STK3: variants seen among roughly 807,000 people sequenced by gnomAD.
STK3 encodes serine/threonine-protein kinase 3.
Under a neutral mutation model 58.0 loss-of-function variants are expected in STK3, and 41 were observed. The ratio of observed to expected loss-of-function variants is 0.71; its 90% CI spans 0.55 to 0.92. The LOEUF (loss-of-function observed/expected upper bound fraction) is 0.92. Ranked by LOEUF, STK3 falls within the 40% of genes least tolerant of loss-of-function variation. STK3 has a pLI of 0.00. For missense variants in STK3, 479 were observed against 602.7 expected (o/e 0.79, Z 2.15); for synonymous variants, 170 against 191.0 (o/e 0.89, Z 0.91).
chr8:98,599,407 C>A (rs890973742), intron 6 of STK3, among the ~76,000 whole-genome samples: 1 of 151,930 alleles, frequency 6.6e-6, no homozygotes, highest in Non-Finnish European at 1.5e-5. Flanking sequence ...GGCTTGAGTT[C>A]TAAATCACTA....
downstream of STK3, among the ~76,000 whole-genome samples, chr8:98,366,500 A>C (rs2130984068): frequency 6.6e-6 from 1 of 152,288 alleles, no homozygotes; most frequent in African/African-American, 2.4e-5. Context: ...TAGGTCCTTA[A>C]GCCATCTGAA....
At chr8:98,693,445 T>C (rs993744487) in intron 6 of STK3, among the ~76,000 whole-genome samples, 2 of 151,940 alleles carry the variant, frequency 1.3e-5, no homozygotes, top group African/African-American at 4.8e-5. Context: ...AAATGCAATA[T>C]GGAGATGTAG....
chr8:98,740,870 C>T (rs1350321695), intron 4 of STK3, among the ~76,000 whole-genome samples: 1 of 152,032 alleles, frequency 6.6e-6, no homozygotes. Context: ...CAGAGACACA[C>T]AAAGGCTCAA....
At chr8:98,745,674 C>T (rs549495179) in intron 4 of STK3, among the ~76,000 whole-genome samples, 1 of 152,104 alleles carries the variant, frequency 6.6e-6, no homozygotes, top group South Asian at 2.1e-4. Context: ...GCAGAGCAGA[C>T]CTTTTGACTG....
chr8:98,736,098 G>A (rs1828567628), intron 4 of STK3, among the ~76,000 whole-genome samples: 1 of 152,084 alleles, frequency 6.6e-6, no homozygotes, highest in Non-Finnish European at 1.5e-5. Context: ...CTACCTAATA[G>A]TCAAAATAAA....
At chr8:98,356,101 C>T in the STK3 span, among the ~76,000 whole-genome samples, 1 of 152,162 alleles carries the variant, frequency 6.6e-6, no homozygotes, top group African/African-American at 2.4e-5. Context: ...TGGGTGATAC[C>T]ATGCAGATTG....
intron 6 of STK3, among the ~76,000 whole-genome samples, chr8:98,682,085 T>C (rs985539658): frequency 6.6e-6 from 1 of 152,252 alleles, no homozygotes; most frequent in Admixed American, 6.5e-5. Context: ...CAAGCTTTCA[T>C]GCTTGCCTAT....
At chr8:98,450,605 A>G (rs562914930), downstream of STK3, among the ~76,000 whole-genome samples, 1 of 152,340 alleles carries the variant, frequency 6.6e-6, no homozygotes, top group East Asian at 1.9e-4. Context: ...AAGACTGATA[A>G]GAGAGAATAT....
chr8:98,508,344 T>G (rs1232219675), intron 10 of STK3, among the ~76,000 whole-genome samples: 2 of 152,194 alleles, frequency 1.3e-5, no homozygotes, highest in Non-Finnish European at 2.9e-5. Flanking sequence ...ATCACCTATC[T>G]ACTAGAAAGG....
At chr8:98,675,585 G>A (rs965264772) in intron 6 of STK3, among the ~76,000 whole-genome samples, 18 of 152,148 alleles carry the variant, frequency 1.2e-4, no homozygotes, top group African/African-American at 4.1e-4. Context: ...GACTCGGGCT[G>A]GGCGTGGTGG....
rs542930110 is a variant in STK3 at position 98,834,147 on chromosome 8, A to C, written c.110+49500T>G. On this transcript the variant is annotated intron_variant, in intron 3 of 12. Transcript: ENST00000523601. ...TAAGTGTACCTAATAATGTAGCACC[A>C]GACACCATAAGCCACACTTTATAGT... 2.0e-5 allele frequency among the ~76,000 whole-genome samples: 3 copies of C among 152,350 alleles called. No individual in the cohort carries two copies. The East Asian group carries it at 5.8e-4, about 29-fold the overall frequency.
chr8:98,711,384 A>G (rs896150966), intron 4 of STK3, among the ~76,000 whole-genome samples: 9 of 151,654 alleles, frequency 5.9e-5, no homozygotes, highest in Admixed American at 1.3e-4. Context: ...AAAAACCTTG[A>G]AAAAAAAATT....
intron 2 of STK3, among the ~76,000 whole-genome samples, chr8:98,772,230 G>C (rs775744668): frequency 6.6e-6 from 1 of 152,114 alleles, no homozygotes; most frequent in Non-Finnish European, 1.5e-5. Context: ...CTAATTTAGT[G>C]AGTATAATCA....
chr8:98,745,623 G>C (rs1477386633), intron 4 of STK3, among the ~76,000 whole-genome samples: 1 of 151,970 alleles, frequency 6.6e-6, no homozygotes, highest in Admixed American at 6.6e-5. Flanking sequence ...TTCCCCAAGA[G>C]GCATCTATCA....
chr8:98,422,069 C>T (rs1235456733), intron 3 of STK3, among the ~76,000 whole-genome samples: 6 of 152,102 alleles, frequency 3.9e-5, no homozygotes, highest in Non-Finnish European at 5.9e-5. Context: ...CGCTGGCCTC[C>T]AGGGAGCACA....
chr8:98,759,987 T>A (rs1327991654), intron 3 of STK3, among the ~76,000 whole-genome samples: 1 of 152,168 alleles, frequency 6.6e-6, no homozygotes, highest in Non-Finnish European at 1.5e-5. Context: ...ACAATGTAAA[T>A]GCTATCCAAA....
At position 98,526,879 on chromosome 8, in the gene STK3, T is replaced by C. The variant is rs773542636; in HGVS notation, c.1180A>G (p.Met394Val). Residue 394 changes from methionine to valine, a missense_variant, in exon 10 of 11, where the codon ATG (methionine) becomes GTG (valine). This residue lies in a region of STK3 where 309 missense variants were observed against 355.7 expected (regional missense o/e 0.87). Coordinates refer to ENST00000419617, the MANE Select transcript of STK3 (RefSeq NM_006281.4). The part of the protein sequence containing the change: ...TSPQVQRPSF[M>V]DYFDKQDFKN... ...AAGTCTTGCTTATCAAAGTAGTCCA[T>C]GAAAGATGGTCTTTGTACTTGTGGT... 1 of 1,594,968 alleles carries C rather than the reference T, an allele frequency of 6.3e-7. No homozygotes were observed. Among genetic ancestry groups the C allele is most frequent in the South Asian group, 1.1e-5 (1 of 87,998 alleles).
intron 4 of STK3, among the ~76,000 whole-genome samples, chr8:98,713,782 C>A (rs1826749755): frequency 6.6e-6 from 1 of 152,134 alleles, no homozygotes; most frequent in Non-Finnish European, 1.5e-5. Flanking sequence ...TTTTATGAGG[C>A]CAGCATCATC....
intron 6 of STK3, among the ~76,000 whole-genome samples, chr8:98,605,494 C>T (rs1427105862): frequency 2.0e-5 from 3 of 147,168 alleles, no homozygotes; most frequent in Non-Finnish European, 3.0e-5. Flanking sequence ...TGGAGTGCAG[C>T]GGCATGATCT....
Sources: allele counts gnomAD v4.1 joint callset (sites outside exome capture counted in the v4.1 genomes callset), GRCh38; gene constraint gnomAD v4.1.1; regional missense constraint gnomAD v4.1.1; transcripts MANE v1.5; gene names NCBI Gene and HGNC (gene_info 2026-07-23, HGNC 2026-07-21).